IGSF3: variants seen among roughly 807,000 people sequenced by gnomAD.
The protein encoded by IGSF3 is immunoglobulin superfamily member 3.
Under a neutral mutation model 114.4 loss-of-function variants are expected in IGSF3, and 23 were observed. The observed-to-expected ratio is 0.20, with a 90% CI of 0.14 to 0.28. The LOEUF (loss-of-function observed/expected upper bound fraction) is 0.28, where lower values mean the gene tolerates loss of function less well. Among genes scored for constraint, IGSF3 ranks in the 10% least tolerant of loss-of-function variants. The pLI is 1.00. For synonymous variants in IGSF3, 571 were observed against 645.2 expected (o/e 0.88, Z 1.74); for missense variants, 1,172 against 1,591.5 (o/e 0.74, Z 4.48).
At position 116,588,958 on chromosome 1, in the gene IGSF3, C is replaced by T. The variant is rs145129285; in HGVS notation, c.2176G>A (p.Asp726Asn). The change falls in exon 8 of 11, where the codon GAT (aspartate) becomes AAT (asparagine). Residue 726 changes from aspartate to asparagine, a missense_variant. Coordinates refer to ENST00000369486, the MANE Select transcript of IGSF3 (RefSeq NM_001007237.3). This position sits in a 1 kb window ranked among gnomAD's most constrained non-coding sequence, Gnocchi z 4.9. ...LWYVHKPSDADGKLILKTTHN... is the reference protein window; with the variant it reads ...LWYVHKPSDANGKLILKTTHN... ...GTGGTCTTCAGGATAAGCTTGCCAT[C>T]GGCATCCGAGGGCTTGTGGACATAC... 8.1e-6 allele frequency: 13 copies of T among 1,614,092 alleles called. No homozygotes were observed. The highest frequency in any genetic ancestry group is 4.0e-5 in the African/African-American group (3 of 74,932).
Position 116,609,905 on chromosome 1 carries a change from T to TC in IGSF3, c.833-1575dup, listed in dbSNP as rs1482112441. 2.6e-5 allele frequency among the ~76,000 whole-genome samples: 4 copies of TC among 151,654 alleles called. No homozygotes were observed. In the East Asian group the frequency reaches 7.7e-4, roughly 29 times the overall value. On this transcript the variant is annotated intron_variant, in intron 4 of 10. Transcript: ENST00000369486. ...CCCGCTCCTCAGGCTCTCCAGCCCCTCCCCCCGATATAGGCCAGTGTCCTG... is the reference window on the plus strand; with the variant it reads ...CCCGCTCCTCAGGCTCTCCAGCCCCTCCCCCCCGATATAGGCCAGTGTCCTG...
chr1:116,615,286 TACACAC>T lies in IGSF3; in HGVS notation c.421+788_421+793del, dbSNP rs149128129. Among the ~76,000 whole-genome samples the T allele has an allele frequency of 7.0e-6, 1 of 142,780 alleles. No individual in the cohort carries two copies. Among genetic ancestry groups the T allele is most frequent in the African/African-American group, 2.6e-5 (1 of 38,676 alleles). 93.7% of individuals were successfully genotyped at this position (142,780 alleles called of 152,430 possible). On this transcript the variant is annotated intron_variant, in intron 3 of 10. Coordinates refer to ENST00000369486, the MANE Select transcript of IGSF3 (RefSeq NM_001007237.3). This position sits in a 1 kb window ranked among gnomAD's most constrained non-coding sequence, Gnocchi z 4.3. Reference sequence around the variant, plus strand: ...CGAAGCTCCATCACACATACACACATACACACACACACACACACACGAAAAAAAAAA... The same window carrying T: ...CGAAGCTCCATCACACATACACACATACACACACACACACGAAAAAAAAAA...
At chr1:116,619,121 A>C (rs1402621981) in intron 2 of IGSF3, among the ~76,000 whole-genome samples, 1 of 152,210 alleles carries the variant, frequency 6.6e-6, no homozygotes, top group Non-Finnish European at 1.5e-5. Context: ...CAAATGAAAT[A>C]TCTTAAGGCT....
chr1:116,582,615 C>T lies in IGSF3; in HGVS notation c.2848+2030G>A, dbSNP rs147917866. ...CCCTCCGAAAAAAATCTTTGAAGTA[C>T]GTCTGCACAATGAATGTTATGAAAC... On this transcript the variant is annotated intron_variant, in intron 9 of 10. Coordinates refer to ENST00000369486, the MANE Select transcript of IGSF3 (RefSeq NM_001007237.3). The surrounding 1 kb of genome is among the most constrained non-coding windows in gnomAD (Gnocchi z 4.7). Among the ~76,000 whole-genome samples, 2,020 of 152,260 alleles carry T rather than the reference C, an allele frequency of 0.013. 23 individuals carry two copies. The highest frequency in any genetic ancestry group is 0.041 in the Middle Eastern group (12 of 294).
At position 116,614,102 on chromosome 1, in the gene IGSF3, G is replaced by T. The variant is rs368219030; in HGVS notation, c.495C>A (p.Leu165=). Residue 165 remains leucine (L), a synonymous_variant, in exon 4 of 11, where the codon CTC becomes CTA. Transcript: ENST00000369486. This position sits in a 1 kb window ranked among gnomAD's most constrained non-coding sequence, Gnocchi z 4.5. ...TGGTCTCTGAGGCCACCTCACAAGT[G>T]AGCTCCAGCGGGTCCTGCTCCACTC... ...LHRVEQDPLE[L]TCEVASETIQ... The T allele has an allele frequency of 2.0e-5, 33 of 1,614,046 alleles. No homozygotes were observed. The highest frequency in any genetic ancestry group is 2.8e-5 in the Non-Finnish European group (33 of 1,179,998).
Position 116,633,405 on chromosome 1 carries a change from A to G in IGSF3, c.44-16948T>C, listed in dbSNP as rs1647682992. Among the ~76,000 whole-genome samples the G allele has an allele frequency of 3.9e-5, 6 of 152,354 alleles. No homozygotes were observed. The highest frequency in any genetic ancestry group is 1.2e-4 in the African/African-American group (5 of 41,578). On this transcript the variant is annotated intron_variant, in intron 2 of 10. Coordinates refer to ENST00000369486, the MANE Select transcript of IGSF3 (RefSeq NM_001007237.3). The surrounding 1 kb of genome is among the most constrained non-coding windows in gnomAD (Gnocchi z 4.3). Reference sequence around the variant, plus strand: ...ACTTTTTCTCTAAGGCTGATTCCCTATAAGCAAAATTTTAAAATTTTTTTT... The same window carrying G: ...ACTTTTTCTCTAAGGCTGATTCCCTGTAAGCAAAATTTTAAAATTTTTTTT...
rs1326047880 is a variant in IGSF3 at position 116,654,953 on chromosome 1, G to A, written c.43+11331C>T. Among the ~76,000 whole-genome samples, 5 of 152,070 alleles carry A rather than the reference G, an allele frequency of 3.3e-5. No individual in the cohort carries two copies. Among genetic ancestry groups the A allele is most frequent in the Non-Finnish European group, 5.9e-5 (4 of 68,028 alleles). On this transcript the variant is annotated intron_variant, in intron 2 of 10. Transcript: ENST00000369486. This position sits in a 1 kb window ranked among gnomAD's most constrained non-coding sequence, Gnocchi z 4.4. Reference sequence around the variant, plus strand: ...GATACCCCCTCTTCCTGGTGGCACCGGGCATTGGTAACTCATGGCTGTAAA... The same window carrying A: ...GATACCCCCTCTTCCTGGTGGCACCAGGCATTGGTAACTCATGGCTGTAAA...
chr1:116,608,387 A>G lies in IGSF3; in HGVS notation c.833-56T>C, dbSNP rs1376258091. On this transcript the variant is annotated intron_variant, in intron 4 of 10. Coordinates refer to ENST00000369486, the MANE Select transcript of IGSF3 (RefSeq NM_001007237.3). ...CCTGGGTGAATGAGGGCCCCAGCCA[A>G]CTAAACCACATTAGCACATTCCCAC... The G allele has an allele frequency of 3.6e-5, 47 of 1,309,172 alleles. No homozygotes were observed. The East Asian group carries it at 1.1e-3, about 30-fold the overall frequency. 81.1% of individuals were successfully genotyped at this position (1,309,172 alleles called of 1,614,324 possible).
In IGSF3 at chr1:116,661,662, C is replaced by A. The variant is rs530834082; in HGVS notation, c.43+4622G>T. ...ATTTGGAACCAAATGGTCCTGGCTTCAAAACCCTACTCTGCCACTTTTTAG... is the reference window on the plus strand; with the variant it reads ...ATTTGGAACCAAATGGTCCTGGCTTAAAAACCCTACTCTGCCACTTTTTAG... On this transcript the variant is annotated intron_variant, in intron 2 of 10. Coordinates refer to ENST00000369486, the MANE Select transcript of IGSF3 (RefSeq NM_001007237.3). The surrounding 1 kb of genome is among the most constrained non-coding windows in gnomAD (Gnocchi z 4.0). 1.2e-4 allele frequency among the ~76,000 whole-genome samples: 18 copies of A among 152,274 alleles called. No individual in the cohort carries two copies. In the South Asian group the frequency reaches 3.7e-3, roughly 32 times the overall value.
rs376632014 is a variant in IGSF3 at position 116,613,849 on chromosome 1, C to T, written c.748G>A (p.Glu250Lys). The T allele has an allele frequency of 3.7e-6, 6 of 1,613,828 alleles. No homozygotes were observed. Among genetic ancestry groups the T allele is most frequent in the East Asian group, 2.2e-5 (1 of 44,884 alleles). Reference protein sequence around the residue: ...DQGEFYCEAAEWIQDPDGSWY... With the variant: ...DQGEFYCEAAKWIQDPDGSWY... ...GACCCATCCGGATCCTGGATCCACT[C>T]GGCGGCCTCGCAGTAGAATTCGCCC... The change falls in exon 4 of 11, where the codon GAG becomes AAG. Residue 250 changes from glutamate to lysine, a missense_variant. Glu to Lys is a moderately conservative substitution (Grantham distance 56). Around this residue, in one of 3 missense-constraint regions of IGSF3, gnomAD observed 736 missense variants for 1,042.0 expected, o/e 0.71. Transcript: ENST00000369486.
At position 116,582,008 on chromosome 1, in the gene IGSF3, A is replaced by C. The variant is rs1659622570; in HGVS notation, c.2849-2131T>G. 6.6e-6 allele frequency among the ~76,000 whole-genome samples: 1 copy of C among 152,196 alleles called. No individual in the cohort carries two copies. The highest frequency in any genetic ancestry group is 2.4e-5 in the African/African-American group (1 of 41,444). The stretch of plus-strand genomic sequence containing the variant: ...GCCAGGGGCAAGATGGCCAGAGACC[A>C]TCAGTTGAGCTCCTCAGAAACACCT... On this transcript the variant is annotated intron_variant, in intron 9 of 10. Coordinates refer to ENST00000369486, the MANE Select transcript of IGSF3 (RefSeq NM_001007237.3). The surrounding 1 kb of genome is among the most constrained non-coding windows in gnomAD (Gnocchi z 4.7).
chr1:116,666,786 C>A lies in IGSF3; in HGVS notation c.-460G>T. On this transcript the variant is annotated 5_prime_UTR_variant, in exon 2 of 11. Transcript: ENST00000369486. ...GGGCAGGTTTCGTCAAAACCTTTGA[C>A]GGCCAAATCACCCTGCCTGGCATCA... 1 of 412,908 alleles carries A rather than the reference C, an allele frequency of 2.4e-6. No homozygotes were observed. Among genetic ancestry groups the A allele is most frequent in the Non-Finnish European group, 4.3e-6 (1 of 234,340 alleles). The allele number at this position is 412,908 out of a possible 1,614,324, so 25.6% of individuals were successfully genotyped here. A position where few individuals can be genotyped will look rare whatever the true frequency, so the allele number is the denominator to read the frequency against.
At position 116,575,402 on chromosome 1, in the gene IGSF3, A is replaced by T. The variant is rs1049789550; in HGVS notation, c.*1910T>A. 2 of 152,750 alleles carry T rather than the reference A, an allele frequency of 1.3e-5. No homozygotes were observed. Among genetic ancestry groups the T allele is most frequent in the Non-Finnish European group, 2.9e-5 (2 of 68,114 alleles). The allele number at this position is 152,750 out of a possible 1,614,324, so 9.5% of individuals were successfully genotyped here. A position where few individuals can be genotyped will look rare whatever the true frequency, so the allele number is the denominator to read the frequency against. The stretch of plus-strand genomic sequence containing the variant: ...GAAAAGGCAGGTCTGTGTGTCTGTC[A>T]GAAAATGGCTGAGCAATCGCCACCA... On this transcript the variant is annotated 3_prime_UTR_variant, in exon 11 of 11. Coordinates refer to ENST00000369486, the MANE Select transcript of IGSF3 (RefSeq NM_001007237.3). The surrounding 1 kb of genome is among the most constrained non-coding windows in gnomAD (Gnocchi z 5.6).
rs949251872 is a variant in IGSF3 at position 116,625,434 on chromosome 1, C to T, written c.44-8977G>A. ...CATTCCAGGATTAGCAAGAAGTTTG[C>T]GGAGGTCGTTTTGTCACATGACTGG... On this transcript the variant is annotated intron_variant, in intron 2 of 10. Transcript: ENST00000369486. This position sits in a 1 kb window ranked among gnomAD's most constrained non-coding sequence, Gnocchi z 4.7. Among the ~76,000 whole-genome samples the T allele has an allele frequency of 1.2e-4, 18 of 152,168 alleles. No homozygotes were observed. The highest frequency in any genetic ancestry group is 2.5e-4 in the Non-Finnish European group (17 of 68,036).
intron 2 of IGSF3, among the ~76,000 whole-genome samples, chr1:116,645,681 AGGAAATCAGAAAATGTGAGTGAACAC>A (rs1648336040): frequency 6.6e-6 from 1 of 152,180 alleles, no homozygotes; most frequent in African/African-American, 2.4e-5. Context: ...AACTGTAGGG[AGGAAATCAGAAAATGTGAGTGAACAC>A]ACAGAGCAAG....
At position 116,666,389 on chromosome 1, in the gene IGSF3, A is replaced by G; in HGVS notation, c.-63T>C. 6.8e-7 allele frequency: 1 copy of G among 1,460,708 alleles called. No homozygotes were observed. The highest frequency in any genetic ancestry group is 2.3e-5 in the East Asian group (1 of 44,180). 90.5% of individuals were successfully genotyped at this position (1,460,708 alleles called of 1,614,324 possible). A position where few individuals can be genotyped will look rare whatever the true frequency, so the allele number is the denominator to read the frequency against. ...CTCTTCTCCCAGCTCCTAATCTCTC[A>G]TTTCTGGCAATCCACTTATAGCTCC... On this transcript the variant is annotated 5_prime_UTR_variant, in exon 2 of 11. It removes an upstream start codon present in the reference 5' UTR. Transcript: ENST00000369486.
At chr1:116,587,293 T>C (rs1199533189) in intron 8 of IGSF3, among the ~76,000 whole-genome samples, 2 of 152,230 alleles carry the variant, frequency 1.3e-5, no homozygotes, top group African/African-American at 4.8e-5. Flanking sequence ...AAATACTTCA[T>C]AATTACTTAT....
In IGSF3 at chr1:116,647,687, G is replaced by C. The variant is rs1265783733; in HGVS notation, c.43+18597C>G. 6.6e-6 allele frequency among the ~76,000 whole-genome samples: 1 copy of C among 152,238 alleles called. No homozygotes were observed. Among genetic ancestry groups the C allele is most frequent in the Non-Finnish European group, 1.5e-5 (1 of 68,046 alleles). ...TGATTGAATGTTGTCTGGGCGGACA[G>C]AGGCAAGGATGACCGGAACAAGACA... is the stretch of plus-strand genomic sequence containing the variant. On this transcript the variant is annotated intron_variant, in intron 2 of 10. Transcript: ENST00000369486. This position sits in a 1 kb window ranked among gnomAD's most constrained non-coding sequence, Gnocchi z 4.6.
Position 116,574,713 on chromosome 1 carries a change from GA to G in IGSF3, c.*2598del, listed in dbSNP as rs1347331640. 1 of 152,586 alleles carries G rather than the reference GA, an allele frequency of 6.6e-6. No individual in the cohort carries two copies. The highest frequency in any genetic ancestry group is 6.5e-5 in the Admixed American group (1 of 15,274). 9.5% of individuals were successfully genotyped at this position (152,586 alleles called of 1,614,324 possible). ...TAAATGCAACATTGTAGACATAGATGAATCCAGAGTATTCAGCAGTTTTCCT... is the reference window on the plus strand; with the variant it reads ...TAAATGCAACATTGTAGACATAGATGATCCAGAGTATTCAGCAGTTTTCCT... On this transcript the variant is annotated 3_prime_UTR_variant, in exon 11 of 11. Coordinates refer to ENST00000369486, the MANE Select transcript of IGSF3 (RefSeq NM_001007237.3). The surrounding 1 kb of genome is among the most constrained non-coding windows in gnomAD (Gnocchi z 5.2).
Sources: gnomAD v4.1 joint callset for allele counts (sites outside exome capture counted in the v4.1 genomes callset) on GRCh38, gnomAD v4.1.1 for gene constraint, gnomAD v4.1.1 regional missense constraint, Gnocchi (gnomAD v3.1) non-coding constraint, MANE v1.5 for transcripts, NCBI Gene and HGNC (gene_info 2026-07-23, HGNC 2026-07-21) for gene names.